Variants in JARID2 observed in about 807,000 individuals in gnomAD.
The protein encoded by JARID2 is protein Jumonji.
JARID2 carries 21 observed loss-of-function variants against 125.6 expected under a neutral mutation model. The observed-to-expected ratio is 0.17, with a 90% CI of 0.12 to 0.24. JARID2 has a LOEUF of 0.24. Among genes scored for constraint, JARID2 ranks in the 10% least tolerant of loss-of-function variants. The pLI is 1.00. For missense variants in JARID2, 1,303 were observed against 1,639.6 expected (o/e 0.79, Z 3.55); for synonymous variants, 736 against 661.6 (o/e 1.11, Z -1.73).
intron 1 of JARID2, among the ~76,000 whole-genome samples, chr6:15,356,898 C>T (rs1208981678): frequency 1.3e-5 from 2 of 152,038 alleles, no homozygotes; most frequent in Middle Eastern, 3.2e-3. Flanking sequence ...CCTGTAGTCC[C>T]AGCTACTTAG....
intron 1 of JARID2, among the ~76,000 whole-genome samples, chr6:15,348,099 G>GTT (rs145622180): frequency 1.1e-3 from 154 of 146,404 alleles, no homozygotes; most frequent in South Asian, 2.6e-3. Flanking sequence ...GTTTTGTTCT[G>GTT]TTTTTTTTTT....
chr6:15,416,720 A>AG (rs1554134235), intron 3 of JARID2, among the ~76,000 whole-genome samples: 1 of 86,022 alleles, frequency 1.2e-5, no homozygotes, highest in Non-Finnish European at 2.3e-5. Flanking sequence ...GGAGAGGGAG[A>AG]GGGGGGAGAG....
chr6:15,321,704 C>T (rs1302276857), intron 1 of JARID2, among the ~76,000 whole-genome samples: 1 of 149,184 alleles, frequency 6.7e-6, no homozygotes, highest in Non-Finnish European at 1.5e-5. Flanking sequence ...AACAGAAATG[C>T]TTTCTTTGAA....
rs192722628 is a variant in JARID2 at position 15,439,759 on chromosome 6, G to T, written c.324-12247G>T. On this transcript the variant is annotated intron_variant, in intron 3 of 17. Transcript: ENST00000341776. ...ATTGTCATGGAGTTAAAATGCTAAA[G>T]AAGAGGGGTAACAAGCCAGCTTCAT... Among the ~76,000 whole-genome samples, 498 of 149,276 alleles carry T rather than the reference G, an allele frequency of 3.3e-3. 5 individuals carry two copies. The highest frequency in any genetic ancestry group is 0.012 in the African/African-American group (484 of 40,776).
At chr6:15,320,170 A>G (rs917546432) in intron 1 of JARID2, among the ~76,000 whole-genome samples, 8 of 152,326 alleles carry the variant, frequency 5.3e-5, no homozygotes, top group Non-Finnish European at 1.0e-4. Flanking sequence ...AAAACTGACT[A>G]GAAGAGACTG....
intron 3 of JARID2, among the ~76,000 whole-genome samples, chr6:15,440,705 CTG>C (rs1334742326): frequency 6.6e-6 from 1 of 152,202 alleles, no homozygotes; most frequent in African/African-American, 2.4e-5. Context: ...TGCTCAGACA[CTG>C]TGTCTGTAAT....
intron 17 of JARID2, among the ~76,000 whole-genome samples, chr6:15,518,930 G>C (rs115296512): frequency 3.9e-5 from 6 of 152,192 alleles, no homozygotes; most frequent in African/African-American, 7.2e-5. Context: ...TTGCTGGGGT[G>C]GGGGGTGCAC....
chr6:15,365,238 G>A (rs960206567), intron 1 of JARID2, among the ~76,000 whole-genome samples: 8 of 152,218 alleles, frequency 5.3e-5, no homozygotes, highest in African/African-American at 1.9e-4. Flanking sequence ...CACTCCATCA[G>A]TGAAGGTACA....
rs887164963 is a variant in JARID2, at chr6:15,487,345, C to T, written c.709C>T (p.Pro237Ser). Residue 237 changes from proline (P) to serine (S), a missense_variant, in exon 6 of 18, where the codon CCT becomes TCT. Physicochemically the swap from Pro to Ser is moderately conservative, Grantham distance 74 (BLOSUM62 -1). Transcript: ENST00000341776. Reference protein sequence around the residue: ...GSSRSTREKEPVQKHKSKEAT... With the variant: ...GSSRSTREKESVQKHKSKEAT... Reference sequence around the variant, plus strand: ...CAGCAGGTCAACACGGGAGAAGGAACCTGTTCAAAAACACAAAAGCAAAGA... The same window carrying T: ...CAGCAGGTCAACACGGGAGAAGGAATCTGTTCAAAAACACAAAAGCAAAGA... The T allele has an allele frequency of 6.8e-6, 11 of 1,614,196 alleles. No individual in the cohort carries two copies. The highest frequency in any genetic ancestry group is 8.5e-6 in the Non-Finnish European group (10 of 1,180,042).
At chr6:15,398,100 A>G (rs2299055) in intron 2 of JARID2, among the ~76,000 whole-genome samples, 137,687 of 152,274 alleles carry the variant, frequency 0.9, 62,322 homozygotes, top group African/African-American at 0.95. Context: ...AATCAAATGC[A>G]GTGAAACAAA....
intron 1 of JARID2, among the ~76,000 whole-genome samples, chr6:15,258,307 A>G (rs1759743311): frequency 6.6e-6 from 1 of 152,216 alleles, no homozygotes; most frequent in African/African-American, 2.4e-5. Context: ...GGAGGAGAGC[A>G]CTGGCTTTGG....
chr6:15,461,753 T>A (rs1768460115), intron 4 of JARID2, among the ~76,000 whole-genome samples: 1 of 152,188 alleles, frequency 6.6e-6, no homozygotes, highest in Non-Finnish European at 1.5e-5. Flanking sequence ...TAAAAATGTT[T>A]CGACTGAAGA....
intron 1 of JARID2, among the ~76,000 whole-genome samples, chr6:15,337,233 A>G (rs547210018): frequency 1.3e-5 from 2 of 152,294 alleles, no homozygotes; most frequent in Non-Finnish European, 2.9e-5. Flanking sequence ...AATGGCTCTT[A>G]TCTCTTTCCT....
intron 2 of JARID2, among the ~76,000 whole-genome samples, chr6:15,380,986 A>C (rs930375245): frequency 1.3e-5 from 2 of 152,102 alleles, no homozygotes; most frequent in African/African-American, 4.8e-5. Context: ...TTTCAGGTCT[A>C]GCTGTACTAG....
intron 1 of JARID2, among the ~76,000 whole-genome samples, chr6:15,271,534 A>C (rs1313382437): frequency 6.6e-6 from 1 of 152,152 alleles, no homozygotes; most frequent in Non-Finnish European, 1.5e-5. Flanking sequence ...TCCAGGCCTG[A>C]TGTGGTGGCC....
At chr6:15,433,698 C>T (rs1044808907) in intron 3 of JARID2, among the ~76,000 whole-genome samples, 1 of 152,140 alleles carries the variant, frequency 6.6e-6, no homozygotes, top group African/African-American at 2.4e-5. Context: ...CACTACTGCC[C>T]ACCCACATCA....
intron 1 of JARID2, among the ~76,000 whole-genome samples, chr6:15,327,093 G>A (rs1294240890): frequency 3.3e-5 from 5 of 151,984 alleles, no homozygotes; most frequent in South Asian, 2.1e-4. Context: ...CCTGAAACAC[G>A]GCTGATGGGT....
intron 1 of JARID2, among the ~76,000 whole-genome samples, chr6:15,309,741 G>A (rs763180889): frequency 6.0e-5 from 9 of 151,104 alleles, no homozygotes; most frequent in Non-Finnish European, 1.2e-4. Flanking sequence ...CAGGTGGGAG[G>A]GGCAACTAAT....
At chr6:15,433,410 C>CTCTGTGTGTGTG (rs1241800597) in intron 3 of JARID2, among the ~76,000 whole-genome samples, 193 of 143,512 alleles carry the variant, frequency 1.3e-3, no homozygotes, top group South Asian at 2.3e-3. Context: ...CCATGTCTCT[C>CTCTGTGTGTGTG]TGTGTGTGTG....
Sources: allele counts gnomAD v4.1 joint callset (sites outside exome capture counted in the v4.1 genomes callset), GRCh38; gene constraint gnomAD v4.1.1; transcripts MANE v1.5; gene names NCBI Gene and HGNC (gene_info 2026-07-23, HGNC 2026-07-21).